ULK4: variants seen among roughly 807,000 people sequenced by gnomAD.
ULK4 encodes the protein inactive serine/threonine-protein kinase ULK4.
ULK4 carries 133 observed loss-of-function variants against 160.6 expected under a neutral mutation model. The ratio of observed to expected loss-of-function variants is 0.83; its 90% confidence interval spans 0.72 to 0.96. The LOEUF (loss-of-function observed/expected upper bound fraction) is 0.96, where lower values mean the gene tolerates loss of function less well. Ranked by LOEUF, ULK4 falls within the 40% of genes least tolerant of loss-of-function variation. The probability of loss-of-function intolerance (pLI) is 0.00; values close to 1 mark genes in which losing one functional copy is unlikely to be tolerated. For synonymous variants in ULK4, 534 were observed against 539.8 expected (o/e 0.99, Z 0.15); for missense variants, 1,580 against 1,499.5 (o/e 1.05, Z -0.89).
At chr3:41,840,401 A>G (rs1020108788) in intron 17 of ULK4, among the ~76,000 whole-genome samples, 7 of 151,600 alleles carry the variant, frequency 4.6e-5, no homozygotes, top group African/African-American at 1.7e-4. Context: ...TTCTTTCTTC[A>G]GTCTCCCTCT....
chr3:41,317,063 A>ATTTTTTTTTTTTTTTTTTTTTTT (rs1164870603), intron 35 of ULK4, among the ~76,000 whole-genome samples: 3 of 94,550 alleles, frequency 3.2e-5, no homozygotes, highest in South Asian at 3.7e-4. Context: ...AATTACATCT[A>ATTTTTTTTTTTTTTTTTTTTTTT]TTTTTTTTTT....
chr3:41,911,810 C>G (rs1482912602), intron 9 of ULK4, 151 bp from the exon 10 acceptor site: 1 of 640,590 alleles, frequency 1.6e-6, no homozygotes, highest in East Asian at 2.7e-5. Context: ...CCCTCATCCA[C>G]ATAGCCATCA....
At chr3:41,388,667 C>T (rs1412321967) in intron 35 of ULK4, among the ~76,000 whole-genome samples, 1 of 152,034 alleles carries the variant, frequency 6.6e-6, no homozygotes, top group African/African-American at 2.4e-5. Flanking sequence ...TCAGGTTTGT[C>T]AAAGATCAGA....
chr3:41,394,174 C>T (rs1427512218), intron 35 of ULK4, among the ~76,000 whole-genome samples: 1 of 152,046 alleles, frequency 6.6e-6, no homozygotes, highest in African/African-American at 2.4e-5. Context: ...CACATTACTA[C>T]CCAGGAACAA....
At chr3:41,588,721 T>TA (rs1489189687) in intron 31 of ULK4, among the ~76,000 whole-genome samples, 2 of 152,232 alleles carry the variant, frequency 1.3e-5, no homozygotes, top group East Asian at 3.8e-4. Context: ...TTTATGTTGA[T>TA]ATATGAACTT....
intron 32 of ULK4, among the ~76,000 whole-genome samples, chr3:41,520,616 C>T (rs1001291573): frequency 6.6e-6 from 1 of 152,108 alleles, no homozygotes; most frequent in Non-Finnish European, 1.5e-5. Context: ...CCTTATTTAA[C>T]GTTCTGAGGA....
At chr3:41,754,649 T>G (rs1475877536) in intron 21 of ULK4, among the ~76,000 whole-genome samples, 161 bp from the exon 22 acceptor site, 1 of 152,126 alleles carries the variant, frequency 6.6e-6, no homozygotes, top group Non-Finnish European at 1.5e-5. Context: ...ATAACTAAAT[T>G]TTAATATTAT....
intron 32 of ULK4, among the ~76,000 whole-genome samples, chr3:41,535,512 G>A (rs2086467693): frequency 6.6e-6 from 1 of 152,028 alleles, no homozygotes; most frequent in Admixed American, 6.5e-5. Context: ...TTTGAAATAG[G>A]GAATTTAATA....
chr3:41,331,638 A>C (rs1221927114), intron 35 of ULK4, among the ~76,000 whole-genome samples: 1 of 152,126 alleles, frequency 6.6e-6, no homozygotes, highest in Non-Finnish European at 1.5e-5. Flanking sequence ...TTACAGATTC[A>C]AGGTAGAAAT....
At chr3:41,738,969 A>G (rs80225374) in intron 22 of ULK4, among the ~76,000 whole-genome samples, 4,415 of 152,016 alleles carry the variant, frequency 0.029, 293 homozygotes, top group African/African-American at 0.1. Context: ...GGAAGCATCA[A>G]TAAGTGAATC....
At chr3:41,812,161 C>G (rs1322310680) in intron 19 of ULK4, among the ~76,000 whole-genome samples, 2 of 152,242 alleles carry the variant, frequency 1.3e-5, no homozygotes, top group Middle Eastern at 3.4e-3. Context: ...TGGCACACAC[C>G]TGTAGTCTCA....
At chr3:41,795,396 A>C (rs1321140566) in intron 20 of ULK4, among the ~76,000 whole-genome samples, 15 of 152,072 alleles carry the variant, frequency 9.9e-5, no homozygotes, top group Admixed American at 8.5e-4. Context: ...AGGGGAGTTT[A>C]ATCTTACTAA....
Position 41,844,301 on chromosome 3 carries a change from C to T in ULK4, c.1657-8330G>A, listed in dbSNP as rs1001505606. Reference sequence around the variant, plus strand: ...CTCAGGCATGGTGGGCTGCAGGTCCCGAGCCCTGCCCCATGGGAAGGCAGC... The same window carrying T: ...CTCAGGCATGGTGGGCTGCAGGTCCTGAGCCCTGCCCCATGGGAAGGCAGC... On this transcript the variant is annotated intron_variant, in intron 17 of 36. Transcript: ENST00000301831. 2.6e-5 allele frequency among the ~76,000 whole-genome samples: 4 copies of T among 152,114 alleles called. No homozygotes were observed. In the South Asian group the frequency reaches 6.2e-4, roughly 24 times the overall value.
At chr3:41,901,169 C>CTTTTTTTTGTTTTT (rs756499023) in intron 12 of ULK4, among the ~76,000 whole-genome samples, 1 of 95,744 alleles carries the variant, frequency 1.0e-5, no homozygotes, top group Non-Finnish European at 2.2e-5. Flanking sequence ...AACAGCATGG[C>CTTTTTTTTGTTTTT]TTCTTTTTTT....
intron 34 of ULK4, among the ~76,000 whole-genome samples, chr3:41,400,715 G>C (rs1368086934): frequency 6.6e-6 from 1 of 152,140 alleles, no homozygotes; most frequent in Non-Finnish European, 1.5e-5. Context: ...GGTTGTATGG[G>C]AGACTCATAT....
intron 22 of ULK4, among the ~76,000 whole-genome samples, chr3:41,721,279 T>TTGG (rs1553639844): frequency 0.042 from 4,137 of 98,668 alleles, 388 homozygotes; most frequent in Middle Eastern, 0.067. Flanking sequence ...TTTTTTTTTT[T>TTGG]TTTTTGGGTT....
intron 20 of ULK4, among the ~76,000 whole-genome samples, chr3:41,791,144 C>T (rs908532407): frequency 2.0e-5 from 3 of 152,186 alleles, no homozygotes; most frequent in African/African-American, 7.2e-5. Flanking sequence ...ACCTTTTTCT[C>T]TCCAAGAATA....
chr3:41,810,677 A>G (rs2040796437), intron 19 of ULK4, among the ~76,000 whole-genome samples: 1 of 152,146 alleles, frequency 6.6e-6, no homozygotes, highest in Non-Finnish European at 1.5e-5. Context: ...ACAAAAATAA[A>G]GTTGTGGTTA....
chr3:41,570,351 G>GAAGC (rs1474006481), intron 31 of ULK4, among the ~76,000 whole-genome samples: 1 of 152,176 alleles, frequency 6.6e-6, no homozygotes, highest in Non-Finnish European at 1.5e-5. Context: ...GATTAATGTG[G>GAAGC]AAGCAATGGT....
Sources: gnomAD v4.1 joint callset for allele counts (sites outside exome capture counted in the v4.1 genomes callset) on GRCh38, gnomAD v4.1.1 for gene constraint, MANE v1.5 for transcripts, NCBI Gene and HGNC (gene_info 2026-07-23, HGNC 2026-07-21) for gene names.